Variants in TPTE2 observed in about 807,000 individuals in gnomAD.
TPTE2 encodes the protein transmembrane phosphoinositide 3-phosphatase and tensin homolog 2, also known as phosphatidylinositol 3,4,5-trisphosphate 3-phosphatase TPTE2.
In TPTE2, 53 loss-of-function variants were observed where a neutral mutation model predicts 78.6. The ratio of observed to expected loss-of-function variants is 0.67; its 90% CI spans 0.54 to 0.85. The LOEUF (loss-of-function observed/expected upper bound fraction) is 0.85. Ranked by LOEUF, TPTE2 falls within the 40% of genes least tolerant of loss-of-function variation. TPTE2 has a pLI of 0.00. For synonymous variants in TPTE2, 175 were observed against 206.2 expected, an observed-to-expected ratio of 0.85 and a Z score of 1.30; for missense variants, 461 against 623.0, an observed-to-expected ratio of 0.74 and a Z score of 2.77.
the TPTE2 span, among the ~76,000 whole-genome samples, chr13:19,544,926 G>A: frequency 2.1e-4 from 25 of 119,830 alleles, no homozygotes; most frequent in Admixed American, 6.9e-4. Context: ...AAACACACAC[G>A]TGCACACTCA....
rs1380232117 is a variant in TPTE2 at position 19,439,420 on chromosome 13, G to GA, written c.974-1268dup. Among the ~76,000 whole-genome samples the GA allele has an allele frequency of 1.1e-4, 16 of 150,898 alleles. No individual in the cohort carries two copies. The East Asian group carries it at 2.2e-3, about 20-fold the overall frequency. On this transcript the variant is annotated intron_variant, in intron 13 of 19. Coordinates refer to ENST00000400230, the Ensembl canonical transcript of TPTE2. The stretch of plus-strand genomic sequence containing the variant: ...CTAGGGAGAAGGGAAAGGGAAAGAA[G>GA]AAAAAAATAACAATAATATTATAGG...
In TPTE2 at chr13:19,503,048, T is replaced by A. The variant is rs1384762490; in HGVS notation, c.11+176A>T. Reference sequence around the variant, plus strand: ...TAAACTCCACAAATGTCCGTCCATCTGTCTCCTTGTATGTTTCCACTGTGT... The same window carrying A: ...TAAACTCCACAAATGTCCGTCCATCAGTCTCCTTGTATGTTTCCACTGTGT... On this transcript the variant is annotated intron_variant, in intron 1 of 19. Coordinates refer to ENST00000400230, the Ensembl canonical transcript of TPTE2. Among the ~76,000 whole-genome samples the A allele has an allele frequency of 5.9e-5, 9 of 152,338 alleles. No homozygotes were observed. The South Asian group carries it at 1.5e-3, about 25-fold the overall frequency.
chr13:19,450,767 T>C (rs1205638028), intron 11 of TPTE2, among the ~76,000 whole-genome samples: 1 of 152,118 alleles, frequency 6.6e-6, no homozygotes, highest in Admixed American at 6.6e-5. Context: ...GTCTTTTGCT[T>C]TTTTCCCATC....
intron 10 of TPTE2, among the ~76,000 whole-genome samples, chr13:19,454,038 C>G (rs1878379540): frequency 6.6e-6 from 1 of 152,152 alleles, no homozygotes; most frequent in Non-Finnish European, 1.5e-5. Context: ...CAAAAGTATA[C>G]CTTCCGTACT....
chr13:19,465,704 T>C, intron 7 of TPTE2, 140 bp from the exon 11 acceptor site: 1 of 703,980 alleles, frequency 1.4e-6, no homozygotes, highest in South Asian at 2.0e-5. Flanking sequence ...TATTTGGCAA[T>C]GTCTGGAGGC....
chr13:19,448,123 T>A (rs1170368556), intron 13 of TPTE2, among the ~76,000 whole-genome samples: 1 of 152,112 alleles, frequency 6.6e-6, no homozygotes, highest in Non-Finnish European at 1.5e-5. Context: ...AAACTGAATA[T>A]CCACTTGCAG....
At chr13:19,541,776 T>G in the TPTE2 span, among the ~76,000 whole-genome samples, 1 of 152,264 alleles carries the variant, frequency 6.6e-6, no homozygotes. Context: ...TTGATAATGA[T>G]TTCTAGTCAT....
chr13:19,473,219 A>G (rs1397516910), intron 6 of TPTE2, among the ~76,000 whole-genome samples: 7 of 152,286 alleles, frequency 4.6e-5, no homozygotes, highest in South Asian at 2.1e-4. Flanking sequence ...GCTATTGCAG[A>G]AGTTTGCTGA....
intron 5 of TPTE2, among the ~76,000 whole-genome samples, chr13:19,475,226 T>G (rs1473082569): frequency 9.2e-5 from 14 of 152,100 alleles, no homozygotes; most frequent in Non-Finnish European, 1.5e-4. Context: ...TCATATATTT[T>G]TTTTTCTTTT....
chr13:19,534,947 A>C (rs1871113458), intron 1 of TPTE2, among the ~76,000 whole-genome samples: 1 of 152,194 alleles, frequency 6.6e-6, no homozygotes, highest in Non-Finnish European at 1.5e-5. Context: ...TCATGCCTGC[A>C]ATCTCAGAAC....
At chr13:19,446,805 G>A (rs1877869947) in intron 13 of TPTE2, among the ~76,000 whole-genome samples, 2 of 152,088 alleles carry the variant, frequency 1.3e-5, no homozygotes, top group Non-Finnish European at 2.9e-5. Context: ...GCCAGGCATG[G>A]TGATGCTCAC....
chr13:19,426,610 G>A, intron 17 of TPTE2, 93 bp from the exon 21 acceptor site: 2 of 722,120 alleles, frequency 2.8e-6, no homozygotes, highest in South Asian at 3.4e-5. Flanking sequence ...TATTTATCAA[G>A]TACTTTTGCT....
the TPTE2 span, among the ~76,000 whole-genome samples, chr13:19,546,531 C>T: frequency 8.4e-6 from 1 of 118,494 alleles, no homozygotes; most frequent in Non-Finnish European, 1.6e-5. Flanking sequence ...CTCTCGTTGC[C>T]CAGGCTGGAG....
intron 17 of TPTE2, among the ~76,000 whole-genome samples, chr13:19,429,410 G>A (rs1876386672): frequency 6.6e-6 from 1 of 152,222 alleles, no homozygotes; most frequent in Admixed American, 6.5e-5. Flanking sequence ...CAAGGCGTGA[G>A]TGGAAGAATG....
At chr13:19,428,120 G>A (rs1173699103) in intron 17 of TPTE2, among the ~76,000 whole-genome samples, 14 of 152,188 alleles carry the variant, frequency 9.2e-5, no homozygotes, top group Middle Eastern at 3.4e-3. Flanking sequence ...TAGTCCAAAC[G>A]GAGAGAAAAA....
At chr13:19,498,692 T>A (rs1360907983) in intron 1 of TPTE2, among the ~76,000 whole-genome samples, 1 of 151,408 alleles carries the variant, frequency 6.6e-6, no homozygotes, top group Non-Finnish European at 1.5e-5. Flanking sequence ...CACTGCAAAA[T>A]CATGCCAAAA....
the TPTE2 span, among the ~76,000 whole-genome samples, chr13:19,554,774 T>G: frequency 6.6e-6 from 1 of 152,240 alleles, no homozygotes; most frequent in Non-Finnish European, 1.5e-5. Context: ...TTATCTATTT[T>G]GCTTTTCTGA....
rs773659406 is a variant in TPTE2, at chr13:19,430,549, T to G, written c.1223-2A>C. The G allele has an allele frequency of 1.2e-6, 2 of 1,605,564 alleles. No individual in the cohort carries two copies. The highest frequency in any genetic ancestry group is 4.5e-5 in the East Asian group (2 of 44,632). Reference sequence around the variant, plus strand: ...GGACTTTTAGATCACATACATCACCTGTTCCAACAAAATGAAATTAAAAAG... The same window carrying G: ...GGACTTTTAGATCACATACATCACCGGTTCCAACAAAATGAAATTAAAAAG... On this transcript the variant is annotated splice_acceptor_variant, in intron 16 of 19. Coordinates refer to ENST00000400230, the Ensembl canonical transcript of TPTE2. LOFTEE classifies it high-confidence loss of function.
chr13:19,464,009 T>G (rs529983223), intron 10 of TPTE2, among the ~76,000 whole-genome samples: 3 of 152,130 alleles, frequency 2.0e-5, no homozygotes, highest in African/African-American at 7.2e-5. Context: ...GTGGGGCTGT[T>G]GGCAGCAGTG....
Sources: allele counts gnomAD v4.1 joint callset (sites outside exome capture counted in the v4.1 genomes callset), GRCh38; gene constraint gnomAD v4.1.1; transcripts MANE v1.5; gene names NCBI Gene and HGNC (gene_info 2026-07-23, HGNC 2026-07-21).